The following CREB5 variants were observed in gnomAD, a reference collection of about 807,000 sequenced individuals.
CREB5 encodes the protein cAMP responsive element binding protein 5.
CREB5 carries 19 observed loss-of-function variants against 57.1 expected under a neutral mutation model. The ratio of observed to expected loss-of-function variants is 0.33; its 90% CI spans 0.23 to 0.49. CREB5 has a LOEUF of 0.49. Ranked by LOEUF, CREB5 falls within the 20% of genes least tolerant of loss-of-function variation. The pLI is 0.99. For missense variants in CREB5, 579 were observed against 671.6 expected (o/e 0.86, Z 1.52); for synonymous variants, 238 against 238.3 (o/e 1.00, Z 0.01).
chr7:28,721,199 G>A (rs1019754588), intron 6 of CREB5, among the ~76,000 whole-genome samples: 4 of 152,128 alleles, frequency 2.6e-5, no homozygotes, highest in South Asian at 2.1e-4. Flanking sequence ...AACCAGGGTC[G>A]GTGGGAAGGT....
chr7:28,459,204 G>A (rs177582), intron 1 of CREB5, among the ~76,000 whole-genome samples: 34,736 of 151,996 alleles, frequency 0.23, 4,504 homozygotes, highest in African/African-American at 0.36. Flanking sequence ...GTGTGTGCGG[G>A]GGAGTCTGTC....
In CREB5 at chr7:28,311,317, T is replaced by C. The variant is rs115681571; in HGVS notation, c.-25+11876T>C. On this transcript the variant is annotated intron_variant, in intron 1 of 9. Transcript: ENST00000396299. ...TTTCTATCTCTCAGTTCCTTTTTCA[T>C]GGACTCTTGAGCCCTTAGGACCTAT... Among the ~76,000 whole-genome samples the C allele has an allele frequency of 5.8e-3, 889 of 152,264 alleles. 14 individuals carry two copies. Among genetic ancestry groups the C allele is most frequent in the African/African-American group, 0.02 (851 of 41,546 alleles).
At chr7:28,774,486 T>A (rs1305314129) in intron 7 of CREB5, among the ~76,000 whole-genome samples, 2 of 152,244 alleles carry the variant, frequency 1.3e-5, no homozygotes, top group African/African-American at 4.8e-5. Context: ...CCCAGAATCC[T>A]GCATTTACAG....
Position 28,652,590 on chromosome 7 carries a change from A to G in CREB5, c.465-66163A>G, listed in dbSNP as rs768354700. On this transcript the variant is annotated intron_variant, in intron 5 of 10. Coordinates refer to ENST00000357727, the MANE Select transcript of CREB5 (RefSeq NM_182898.4). Reference sequence around the variant, plus strand: ...GGTCCCTCTACTTTCTTTGAGCCTTAGTTTCTCCTTCTATAAAATGGGATT... The same window carrying G: ...GGTCCCTCTACTTTCTTTGAGCCTTGGTTTCTCCTTCTATAAAATGGGATT... Among the ~76,000 whole-genome samples the G allele has an allele frequency of 2.0e-5, 3 of 152,174 alleles. No individual in the cohort carries two copies. In the East Asian group the frequency reaches 5.8e-4, roughly 29 times the overall value.
chr7:28,390,964 G>C (rs999713416), intron 1 of CREB5, among the ~76,000 whole-genome samples: 14 of 151,888 alleles, frequency 9.2e-5, no homozygotes, highest in Non-Finnish European at 1.5e-4. Flanking sequence ...TATAATATAT[G>C]TATAGCACTT....
At chr7:28,488,386 C>T (rs751405439) in intron 2 of CREB5, 140 bp downstream of exon 2, 7 of 647,800 alleles carry the variant, frequency 1.1e-5, no homozygotes, top group Non-Finnish European at 1.9e-5. Flanking sequence ...CCATCAGTAT[C>T]GTGATCATCA....
chr7:28,729,493 C>T, intron 7 of CREB5, among the ~76,000 whole-genome samples: 1 of 152,170 alleles, frequency 6.6e-6, no homozygotes, highest in Non-Finnish European at 1.5e-5. Flanking sequence ...TTTCCCCTCC[C>T]TAATTATCGA....
At chr7:28,549,938 C>T (rs968419208) in intron 4 of CREB5, among the ~76,000 whole-genome samples, 1 of 152,200 alleles carries the variant, frequency 6.6e-6, no homozygotes, top group South Asian at 2.1e-4. Flanking sequence ...GTTGGTTTCA[C>T]ATGCCTGTTT....
At chr7:28,604,906 T>A (rs1797069447) in intron 5 of CREB5, among the ~76,000 whole-genome samples, 1 of 152,158 alleles carries the variant, frequency 6.6e-6, no homozygotes, top group South Asian at 2.1e-4. Context: ...AGTATTTGCA[T>A]CCTACCCCAG....
intron 7 of CREB5, among the ~76,000 whole-genome samples, chr7:28,752,799 T>A (rs184836037): frequency 7.2e-4 from 109 of 151,836 alleles, no homozygotes; most frequent in South Asian, 1.5e-3. Flanking sequence ...CCTTATATAA[T>A]GAGAAAAAAA....
chr7:28,593,775 C>G (rs1050874658), intron 5 of CREB5, among the ~76,000 whole-genome samples: 2 of 152,190 alleles, frequency 1.3e-5, no homozygotes, highest in African/African-American at 2.4e-5. Context: ...AACTGCCTGC[C>G]ACATTCCCCA....
At chr7:28,493,011 G>C (rs1791873956) in intron 2 of CREB5, among the ~76,000 whole-genome samples, 1 of 152,096 alleles carries the variant, frequency 6.6e-6, no homozygotes, top group Non-Finnish European at 1.5e-5. Context: ...TTTTGCAAAA[G>C]CCAATGCTTT....
intron 1 of CREB5, among the ~76,000 whole-genome samples, chr7:28,335,669 C>T (rs1023424652): frequency 1.3e-5 from 2 of 151,860 alleles, no homozygotes; most frequent in African/African-American, 2.4e-5. Flanking sequence ...TGACTTATTC[C>T]TTTCTAATTT....
chr7:28,579,475 T>C (rs1796038824), intron 5 of CREB5, among the ~76,000 whole-genome samples: 1 of 152,064 alleles, frequency 6.6e-6, no homozygotes, highest in Non-Finnish European at 1.5e-5. Flanking sequence ...AAGTGCATTT[T>C]GGCTGATGAT....
intron 5 of CREB5, among the ~76,000 whole-genome samples, chr7:28,574,297 C>T (rs956043289): frequency 6.6e-6 from 1 of 152,176 alleles, no homozygotes; most frequent in Non-Finnish European, 1.5e-5. Flanking sequence ...ATCTCTCCTC[C>T]AGTCATTTTT....
At chr7:28,708,625 A>C (rs1349990214) in intron 5 of CREB5, among the ~76,000 whole-genome samples, 1 of 152,184 alleles carries the variant, frequency 6.6e-6, no homozygotes, top group African/African-American at 2.4e-5. Context: ...GTTTTCATGG[A>C]AGTCTCTTGC....
intron 5 of CREB5, among the ~76,000 whole-genome samples, chr7:28,678,581 T>C (rs1342239931): frequency 6.6e-6 from 1 of 152,142 alleles, no homozygotes; most frequent in Non-Finnish European, 1.5e-5. Context: ...CTCTCCAGGA[T>C]TCTGGTGTAA....
intron 8 of CREB5, 94 bp downstream of exon 8, chr7:28,804,616 C>T (rs1808597491): frequency 3.4e-6 from 5 of 1,464,298 alleles, no homozygotes; most frequent in Non-Finnish European, 4.7e-6. Flanking sequence ...TCTTGTTTGA[C>T]AAGCCCAGGT....
intron 7 of CREB5, among the ~76,000 whole-genome samples, chr7:28,790,910 A>G (rs944846398): frequency 6.6e-6 from 1 of 152,224 alleles, no homozygotes; most frequent in Non-Finnish European, 1.5e-5. Flanking sequence ...TTAGTGGTTG[A>G]CACATTTGGT....
Sources: allele counts gnomAD v4.1 joint callset (sites outside exome capture counted in the v4.1 genomes callset), GRCh38; gene constraint gnomAD v4.1.1; transcripts MANE v1.5; gene names NCBI Gene and HGNC (gene_info 2026-07-23, HGNC 2026-07-21).